Variants in TAFA4 observed in about 807,000 individuals in gnomAD.
The protein encoded by TAFA4 is chemokine-like protein TAFA-4.
TAFA4 carries 20 observed loss-of-function variants against 21.1 expected under a neutral mutation model. That is an observed-to-expected ratio of 0.95 (90% confidence interval 0.67 to 1.38). The LOEUF is 1.38. Ranked by LOEUF, TAFA4 falls within the 40% of genes most tolerant of loss-of-function variation. TAFA4 has a pLI of 0.00. For missense variants in TAFA4, 211 were observed against 180.9 expected, an observed-to-expected ratio of 1.17 and a Z score of -0.95; for synonymous variants, 71 against 67.4, an observed-to-expected ratio of 1.05 and a Z score of -0.26.
At chr3:68,789,344 G>A (rs377306320) in intron 3 of TAFA4, among the ~76,000 whole-genome samples, 11 of 152,064 alleles carry the variant, frequency 7.2e-5, no homozygotes, top group Non-Finnish European at 1.6e-4. Flanking sequence ...GCTGGCCTAT[G>A]CACTTCTTTT....
intron 1 of TAFA4, among the ~76,000 whole-genome samples, chr3:68,916,545 C>G (rs1317133129): frequency 6.6e-6 from 1 of 152,206 alleles, no homozygotes; most frequent in East Asian, 1.9e-4. Flanking sequence ...AAAACTAGGT[C>G]CCAACTTCAT....
intron 3 of TAFA4, among the ~76,000 whole-genome samples, chr3:68,753,497 A>G (rs1206395853): frequency 1.3e-5 from 2 of 151,800 alleles, no homozygotes; most frequent in Non-Finnish European, 2.9e-5. Context: ...CACCATGCCC[A>G]GGTAATTTTT....
chr3:68,927,793 G>C (rs1467499476), intron 1 of TAFA4, among the ~76,000 whole-genome samples: 1 of 151,888 alleles, frequency 6.6e-6, no homozygotes, highest in Non-Finnish European at 1.5e-5. Context: ...AGCTACTCAG[G>C]AGGGTGAAGC....
At chr3:68,801,082 G>T (rs546542627) in intron 3 of TAFA4, among the ~76,000 whole-genome samples, 30 of 152,244 alleles carry the variant, frequency 2.0e-4, no homozygotes, top group Non-Finnish European at 5.9e-5. Context: ...CCAGACTCCA[G>T]AATTTCACAG....
At chr3:68,862,637 C>A (rs2089360381) in intron 3 of TAFA4, among the ~76,000 whole-genome samples, 1 of 151,996 alleles carries the variant, frequency 6.6e-6, no homozygotes, top group Non-Finnish European at 1.5e-5. Context: ...CCACCCTTGC[C>A]ACCTTCTGAG....
chr3:68,810,086 A>C (rs1399550100), intron 3 of TAFA4, among the ~76,000 whole-genome samples: 1 of 152,166 alleles, frequency 6.6e-6, no homozygotes, highest in African/African-American at 2.4e-5. Flanking sequence ...GAATTTTAGA[A>C]TTCTTTTTTC....
intron 3 of TAFA4, among the ~76,000 whole-genome samples, chr3:68,866,343 C>T (rs1285636619): frequency 6.6e-6 from 1 of 151,858 alleles, no homozygotes; most frequent in Non-Finnish European, 1.5e-5. Context: ...AGATTAGAGG[C>T]AAATCTGGGC....
chr3:68,842,491 GT>G (rs1704687956), intron 3 of TAFA4, among the ~76,000 whole-genome samples: 1 of 152,136 alleles, frequency 6.6e-6, no homozygotes, highest in Admixed American at 6.5e-5. Flanking sequence ...CATTCTGTAG[GT>G]TGCCTATTCA....
At chr3:68,911,497 A>C (rs1162905692) in intron 1 of TAFA4, among the ~76,000 whole-genome samples, 1 of 152,250 alleles carries the variant, frequency 6.6e-6, no homozygotes, top group Non-Finnish European at 1.5e-5. Context: ...ACTCAGATAG[A>C]GAAACAGAAG....
intron 3 of TAFA4, among the ~76,000 whole-genome samples, chr3:68,873,224 C>A (rs535974470): frequency 6.6e-6 from 1 of 152,024 alleles, no homozygotes; most frequent in Non-Finnish European, 1.5e-5. Flanking sequence ...GTAGGAGAGG[C>A]TAACAACCTT....
chr3:68,733,434 G>A (rs1349262808), intron 5 of TAFA4, among the ~76,000 whole-genome samples: 1 of 152,104 alleles, frequency 6.6e-6, no homozygotes, highest in Non-Finnish European at 1.5e-5. Context: ...TACACTCATC[G>A]CCCATCAGTT....
chr3:68,910,073 C>T (rs191536559), intron 1 of TAFA4, among the ~76,000 whole-genome samples: 5 of 152,340 alleles, frequency 3.3e-5, no homozygotes, highest in Admixed American at 3.3e-4. Context: ...ACCACATGGG[C>T]ATCCCCAACA....
At chr3:68,906,327 T>C (rs1448791485) in intron 1 of TAFA4, among the ~76,000 whole-genome samples, 1 of 152,252 alleles carries the variant, frequency 6.6e-6, no homozygotes, top group Non-Finnish European at 1.5e-5. Context: ...AGTTGACTGC[T>C]TTTTACTTTC....
At chr3:68,798,211 C>G (rs1466309155) in intron 3 of TAFA4, among the ~76,000 whole-genome samples, 2 of 152,076 alleles carry the variant, frequency 1.3e-5, no homozygotes, top group African/African-American at 2.4e-5. Flanking sequence ...TGGAGATATG[C>G]TGAAGTCAGC....
intron 3 of TAFA4, among the ~76,000 whole-genome samples, chr3:68,848,536 C>A (rs1704866266): frequency 6.6e-6 from 1 of 152,182 alleles, no homozygotes; most frequent in Admixed American, 6.5e-5. Context: ...ACTTTACAGC[C>A]TTTCCAGGGT....
At chr3:68,864,271 G>A (rs181140489) in intron 3 of TAFA4, among the ~76,000 whole-genome samples, 29 of 152,160 alleles carry the variant, frequency 1.9e-4, no homozygotes, top group African/African-American at 6.5e-4. Flanking sequence ...CAAACAATGT[G>A]ACTTTAAAAA....
chr3:68,815,893 T>C (rs905185007), intron 3 of TAFA4, among the ~76,000 whole-genome samples: 2 of 152,138 alleles, frequency 1.3e-5, no homozygotes, highest in Non-Finnish European at 2.9e-5. Context: ...CTATTCACAA[T>C]ACCAAAGACT....
intron 3 of TAFA4, among the ~76,000 whole-genome samples, chr3:68,784,697 G>A (rs1813868): frequency 0.2 from 31,010 of 152,166 alleles, 4,029 homozygotes; most frequent in East Asian, 0.61. Flanking sequence ...AAGGGGACCC[G>A]AGTGGGTTGC....
At chr3:68,777,964 GACA>G (rs1462225284) in intron 3 of TAFA4, among the ~76,000 whole-genome samples, 1 of 152,092 alleles carries the variant, frequency 6.6e-6, no homozygotes, top group Non-Finnish European at 1.5e-5. Context: ...TGTGCACAAT[GACA>G]ACATTACCTA....
Sources: gnomAD v4.1 joint callset for allele counts (sites outside exome capture counted in the v4.1 genomes callset) on GRCh38, gnomAD v4.1.1 for gene constraint, MANE v1.5 for transcripts, NCBI Gene and HGNC (gene_info 2026-07-23, HGNC 2026-07-21) for gene names.